The following ZCWPW1 variants were observed in gnomAD, a reference collection of about 807,000 sequenced individuals.
The protein encoded by ZCWPW1 is zinc finger CW-type PWWP domain protein 1.
A neutral mutation model predicts 81.3 loss-of-function variants in ZCWPW1; 56 were observed. The ratio of observed to expected loss-of-function variants is 0.69; its 90% confidence interval spans 0.56 to 0.86. The LOEUF is 0.86. Ranked by LOEUF, ZCWPW1 falls within the 40% of genes least tolerant of loss-of-function variation. The probability of loss-of-function intolerance (pLI) is 0.00; values close to 1 mark genes in which losing one functional copy is unlikely to be tolerated. For synonymous variants in ZCWPW1, 250 were observed against 273.7 expected (o/e 0.91, Z 0.86); for missense variants, 650 against 769.8 (o/e 0.84, Z 1.84).
intron 1 of ZCWPW1, among the ~76,000 whole-genome samples, chr7:100,427,728 A>G (rs1402640106): frequency 6.6e-6 from 1 of 151,224 alleles, no homozygotes; most frequent in African/African-American, 2.4e-5. Flanking sequence ...CCCAATTCCA[A>G]ATCCACCTGC....
intron 1 of ZCWPW1, 73 bp from the exon 2 acceptor site, chr7:100,425,209 A>G (rs1257379215): frequency 6.6e-6 from 1 of 152,240 alleles, no homozygotes; most frequent in African/African-American, 2.4e-5. Flanking sequence ...TTTCTTCTGT[A>G]CAGCTACTAA....
rs141450215 is a variant in ZCWPW1 at position 100,419,158 on chromosome 7, T to C, written c.314A>G (p.Glu105Gly). The change falls in exon 5 of 18, where the codon GAG becomes GGG. Residue 105 changes from glutamate (E) to glycine (G), a missense_variant. Glu to Gly is a moderately conservative substitution (Grantham distance 98). Transcript: ENST00000684423. ...EKSSLTNAEF[E>G]EIVQIVLQKS... Reference sequence around the variant, plus strand: ...CTGCAGAACAATCTGGACAATCTCCTCAAATTCTGCATTGGTAAGACTTGA... The same window carrying C: ...CTGCAGAACAATCTGGACAATCTCCCCAAATTCTGCATTGGTAAGACTTGA... 4.6e-3 allele frequency: 7,425 copies of C among 1,613,098 alleles called. 45 individuals carry two copies. Among genetic ancestry groups the C allele is most frequent in the Middle Eastern group, 0.034 (205 of 6,058 alleles).
chr7:100,402,965 T>G lies in ZCWPW1; in HGVS notation c.1414-389A>C, dbSNP rs540896741. ...AGGAGTGGAAAGAAACAACTGGTAT[T>G]CTCTGAATTGCTCCCTGAGGAGTCA... is the stretch of plus-strand genomic sequence containing the variant. On this transcript the variant is annotated intron_variant, in intron 15 of 17. Coordinates refer to ENST00000684423, the MANE Select transcript of ZCWPW1 (RefSeq NM_001386010.1). Among the ~76,000 whole-genome samples, 4 of 152,314 alleles carry G rather than the reference T, an allele frequency of 2.6e-5. No homozygotes were observed. In the East Asian group the frequency reaches 7.7e-4, roughly 29 times the overall value.
rs1415595737 is a variant in ZCWPW1 at position 100,416,443 on chromosome 7, G to GTGGTA, written c.488_492dup (p.His165TyrfsTer19). 22 of 1,613,992 alleles carry GTGGTA rather than the reference G, an allele frequency of 1.4e-5. No homozygotes were observed. Among genetic ancestry groups the GTGGTA allele is most frequent in the African/African-American group, 2.7e-5 (2 of 74,912 alleles). On this transcript the variant is annotated frameshift_variant, in exon 7 of 18. Transcript: ENST00000684423. LOFTEE classifies it high-confidence loss of function. ...CAAGACACTGAAATCTCTTGAGTAT[G>GTGGTA]TGGTACCTCCTCTCTGAAAATGAGG...
Position 100,406,771 on chromosome 7 carries a change from C to T in ZCWPW1, c.1096G>A (p.Glu366Lys), listed in dbSNP as rs6970350. 9,980 of 1,614,078 alleles carry T rather than the reference C, an allele frequency of 6.2e-3. 548 individuals are homozygous for T. In the African/African-American group the frequency reaches 0.12, roughly 19 times the overall value. The change falls in exon 12 of 18, where the codon GAA becomes AAA. Residue 366 changes from glutamate to lysine, a missense_variant. Transcript: ENST00000684423. ...PSKYHVTFFG[E>K]TVSRAWIPVN... Reference sequence around the variant, plus strand: ...GGGATCCATGCACGAGAAACTGTTTCTCCAAAAAACGTCACATGGTACTTA... The same window carrying T: ...GGGATCCATGCACGAGAAACTGTTTTTCCAAAAAACGTCACATGGTACTTA...
rs1584283853 is a variant in ZCWPW1, at chr7:100,420,739, T to C, written c.-29-61A>G. On this transcript the variant is annotated intron_variant, in intron 2 of 17. Transcript: ENST00000684423. ...ATTAAACAAGATTTTAAACTTTCTG[T>C]CTACTTGGGTTCAGAAACTCTTTGT... The C allele has an allele frequency of 4.6e-6, 7 of 1,535,736 alleles. No individual in the cohort carries two copies. The East Asian group carries it at 1.4e-4, about 30-fold the overall frequency.
chr7:100,420,479 A>G, intron 3 of ZCWPW1, 143 bp downstream of exon 3: 1 of 893,250 alleles, frequency 1.1e-6, no homozygotes, highest in Non-Finnish European at 1.8e-6. Flanking sequence ...TATTTATTTC[A>G]CTCAAAGCAT....
intron 11 of ZCWPW1, 64 bp downstream of exon 11, chr7:100,407,164 G>A (rs1162611283): frequency 3.4e-6 from 5 of 1,467,604 alleles, no homozygotes; most frequent in East Asian, 4.5e-5. Context: ...CTGTACGTCT[G>A]TGAGGATGGA....
chr7:100,411,728 G>A (rs928144131), intron 8 of ZCWPW1, among the ~76,000 whole-genome samples: 5 of 152,050 alleles, frequency 3.3e-5, no homozygotes, highest in Non-Finnish European at 7.4e-5. Flanking sequence ...TATTAATACA[G>A]ATCAATAATA....
intron 4 of ZCWPW1, 44 bp downstream of exon 4, chr7:100,419,586 G>A: frequency 6.4e-7 from 1 of 1,568,986 alleles, no homozygotes; most frequent in Non-Finnish European, 8.6e-7. Context: ...CAGGGGTAAG[G>A]TATGAGAAAA....
chr7:100,413,854 G>A (rs113770890), intron 8 of ZCWPW1, among the ~76,000 whole-genome samples: 10 of 152,238 alleles, frequency 6.6e-5, no homozygotes, highest in African/African-American at 1.9e-4. Context: ...AAAGTGCTAA[G>A]ATTACAGGTG....
intron 12 of ZCWPW1, 148 bp downstream of exon 12, chr7:100,406,546 G>A (rs1434733166): frequency 1.4e-6 from 1 of 705,460 alleles, no homozygotes; most frequent in Admixed American, 2.8e-5. Context: ...GGAGCAAGAA[G>A]AGTCCTTCAT....
chr7:100,405,289 A>G (rs2130432441), intron 12 of ZCWPW1, among the ~76,000 whole-genome samples, 196 bp from the exon 13 acceptor site: 1 of 152,162 alleles, frequency 6.6e-6, no homozygotes, highest in Non-Finnish European at 1.5e-5. Flanking sequence ...TTAGTTGGAC[A>G]TGGTGGTGGG....
chr7:100,402,815 A>T (rs975355780), intron 15 of ZCWPW1, among the ~76,000 whole-genome samples: 6 of 152,224 alleles, frequency 3.9e-5, no homozygotes, highest in African/African-American at 1.2e-4. Context: ...CTAGGCCACA[A>T]GTATGATAAA....
At chr7:100,412,122 A>C (rs920012040) in intron 8 of ZCWPW1, among the ~76,000 whole-genome samples, 1 of 151,696 alleles carries the variant, frequency 6.6e-6, no homozygotes, top group Non-Finnish European at 1.5e-5. Flanking sequence ...TTCAATCTCT[A>C]AATGTCAGGG....
At chr7:100,401,756 G>T in intron 17 of ZCWPW1, 133 bp downstream of exon 17, 1 of 1,224,546 alleles carries the variant, frequency 8.2e-7, no homozygotes, top group South Asian at 1.5e-5. Context: ...AGTCCGAGAC[G>T]CTCTTTCATT....
chr7:100,402,111 A>G (rs1039054253), intron 16 of ZCWPW1, 70 bp from the exon 17 acceptor site: 6 of 1,528,152 alleles, frequency 3.9e-6, no homozygotes, highest in Non-Finnish European at 5.3e-6. Context: ...GACACTGCAC[A>G]TTGAGTTTCT....
chr7:100,406,041 T>C (rs1792933298), intron 12 of ZCWPW1, among the ~76,000 whole-genome samples: 1 of 152,222 alleles, frequency 6.6e-6, no homozygotes, highest in Non-Finnish European at 1.5e-5. Context: ...GACAAGTTCC[T>C]TTAGATCCAG....
intron 13 of ZCWPW1, among the ~76,000 whole-genome samples, chr7:100,404,607 G>A (rs1792602447): frequency 6.6e-6 from 1 of 152,068 alleles, no homozygotes; most frequent in Admixed American, 6.6e-5. Context: ...GGATACACCT[G>A]CCTTGGCCTC....
Sources: gnomAD v4.1 joint callset for allele counts (sites outside exome capture counted in the v4.1 genomes callset) on GRCh38, gnomAD v4.1.1 for gene constraint, MANE v1.5 for transcripts, NCBI Gene and HGNC (gene_info 2026-07-23, HGNC 2026-07-21) for gene names.